CCBE1: variants seen among roughly 807,000 people sequenced by gnomAD.
CCBE1 encodes collagen and calcium binding EGF domains 1.
CCBE1 carries 37 observed loss-of-function variants against 50.0 expected under a neutral mutation model. The observed-to-expected ratio is 0.74, with a 90% CI of 0.57 to 0.97. The LOEUF is 0.97. Among genes scored for constraint, CCBE1 ranks in the 50% least tolerant of loss-of-function variants. The pLI is 0.00. For missense variants in CCBE1, 538 were observed against 523.8 expected, an observed-to-expected ratio of 1.03 and a Z score of -0.26; for synonymous variants, 234 against 203.7, an observed-to-expected ratio of 1.15 and a Z score of -1.27.
intron 2 of CCBE1, among the ~76,000 whole-genome samples, chr18:59,648,493 G>A (rs976124077): frequency 3.3e-5 from 5 of 152,126 alleles, no homozygotes; most frequent in African/African-American, 7.2e-5. Context: ...TCACTTGAGC[G>A]CAGGAGTTCG....
chr18:59,657,673 C>A (rs1429153820), intron 2 of CCBE1, among the ~76,000 whole-genome samples: 1 of 152,218 alleles, frequency 6.6e-6, no homozygotes, highest in Non-Finnish European at 1.5e-5. Context: ...GACAGATCAC[C>A]TGAGGCCAGG....
At chr18:59,466,250 T>G (rs8099578) in intron 5 of CCBE1, among the ~76,000 whole-genome samples, 1 of 151,978 alleles carries the variant, frequency 6.6e-6, no homozygotes, top group African/African-American at 2.4e-5. Flanking sequence ...AATTGAATCA[T>G]GGGGGCAGGT....
At position 59,431,699 on chromosome 18, in the gene CCBE1, C is replaced by T. The variant is rs1909952351; in HGVS notation, c.*4209G>A. 6.6e-6 allele frequency: 1 copy of T among 152,272 alleles called. No homozygotes were observed. Among genetic ancestry groups the T allele is most frequent in the Admixed American group, 6.5e-5 (1 of 15,288 alleles). The allele number at this position is 152,272 out of a possible 1,614,324, so 9.4% of individuals were successfully genotyped here. On this transcript the variant is annotated 3_prime_UTR_variant, in exon 11 of 11. Transcript: ENST00000439986. ...CTGGTATTTGGTGGGGTAATACTCA[C>T]CTTTCCTTCCTTCCAAAACCAATGA... is the stretch of plus-strand genomic sequence containing the variant.
intron 2 of CCBE1, among the ~76,000 whole-genome samples, chr18:59,641,380 G>A (rs1015475374): frequency 1.3e-5 from 2 of 152,160 alleles, no homozygotes; most frequent in Admixed American, 6.5e-5. Flanking sequence ...CTCTAAGAGG[G>A]AGCTAAACAT....
At chr18:59,487,040 G>T (rs931308995) in intron 2 of CCBE1, among the ~76,000 whole-genome samples, 3 of 150,928 alleles carry the variant, frequency 2.0e-5, no homozygotes, top group African/African-American at 7.3e-5. Flanking sequence ...GCACACAGAA[G>T]TCCCAAATGT....
chr18:59,542,688 C>G (rs1915516410), intron 2 of CCBE1, among the ~76,000 whole-genome samples: 1 of 152,152 alleles, frequency 6.6e-6, no homozygotes, highest in South Asian at 2.1e-4. Flanking sequence ...TGTGCCTGGC[C>G]AAGAGTCCAA....
chr18:59,515,050 A>T (rs1445637227), intron 2 of CCBE1, among the ~76,000 whole-genome samples: 3 of 152,220 alleles, frequency 2.0e-5, no homozygotes, highest in Admixed American at 6.5e-5. Flanking sequence ...TCCAAAGATG[A>T]TATAAGGATA....
At chr18:59,482,671 T>C (rs920379808) in intron 2 of CCBE1, among the ~76,000 whole-genome samples, 1 of 152,182 alleles carries the variant, frequency 6.6e-6, no homozygotes, top group East Asian at 1.9e-4. Context: ...ATAAAGTCTC[T>C]ACATTTTATG....
At chr18:59,493,284 A>G (rs1046662001) in intron 2 of CCBE1, among the ~76,000 whole-genome samples, 2 of 152,226 alleles carry the variant, frequency 1.3e-5, no homozygotes, top group Non-Finnish European at 2.9e-5. Flanking sequence ...ATGAAATACA[A>G]TGGACATTAA....
chr18:59,643,548 C>T (rs1363532648), intron 2 of CCBE1, among the ~76,000 whole-genome samples: 2 of 152,172 alleles, frequency 1.3e-5, no homozygotes, highest in African/African-American at 2.4e-5. Flanking sequence ...CTTATAATCC[C>T]AGCACTTTGG....
chr18:59,610,861 C>T (rs886229722), intron 2 of CCBE1, among the ~76,000 whole-genome samples: 4 of 152,254 alleles, frequency 2.6e-5, no homozygotes, highest in Non-Finnish European at 5.9e-5. Context: ...ACCAGCGCCC[C>T]TGGGGATTCA....
intron 2 of CCBE1, among the ~76,000 whole-genome samples, chr18:59,656,233 G>A (rs2054187615): frequency 6.6e-6 from 1 of 152,226 alleles, no homozygotes; most frequent in African/African-American, 2.4e-5. Context: ...TAAATAGGAT[G>A]GGGTAAGATT....
At chr18:59,562,940 G>T (rs374505173) in intron 2 of CCBE1, among the ~76,000 whole-genome samples, 1 of 152,300 alleles carries the variant, frequency 6.6e-6, no homozygotes, top group South Asian at 2.1e-4. Flanking sequence ...TTGAGTGGTG[G>T]TGTTCAGGGA....
intron 6 of CCBE1, among the ~76,000 whole-genome samples, chr18:59,453,876 C>A (rs1242678152): frequency 6.6e-6 from 1 of 152,126 alleles, no homozygotes. Flanking sequence ...GACAGTTGTT[C>A]AAGAAGTCAG....
At position 59,606,158 on chromosome 18, in the gene CCBE1, A is replaced by T. The variant is rs17780683; in HGVS notation, c.212+90471T>A. ...TTAACTGTCCATTCATTGTTTCGGA[A>T]AAATGCTTCGGACAAAGGCAGAGAT... is the stretch of plus-strand genomic sequence containing the variant. On this transcript the variant is annotated intron_variant, in intron 2 of 10. Transcript: ENST00000439986. Among the ~76,000 whole-genome samples, 332 of 152,336 alleles carry T rather than the reference A, an allele frequency of 2.2e-3. 2 individuals are homozygous for T. The highest frequency in any genetic ancestry group is 0.019 in the Admixed American group (289 of 15,300).
intron 6 of CCBE1, 71 bp from the exon 7 acceptor site, chr18:59,448,174 G>A: frequency 6.2e-7 from 1 of 1,602,676 alleles, no homozygotes; most frequent in Admixed American, 1.7e-5. Flanking sequence ...GTCTTGGTGG[G>A]AGAAGCTGCA....
At chr18:59,573,737 C>T (rs187393278) in intron 2 of CCBE1, among the ~76,000 whole-genome samples, 59 of 152,182 alleles carry the variant, frequency 3.9e-4, no homozygotes, top group Middle Eastern at 3.4e-3. Flanking sequence ...GGAGTTATTG[C>T]TGTACTATCA....
In CCBE1 at chr18:59,652,297, C is replaced by G. The variant is rs151163092; in HGVS notation, c.212+44332G>C. On this transcript the variant is annotated intron_variant, in intron 2 of 10. Transcript: ENST00000439986. ...AGAATCAAGAAAAACTCAGCCAACT[C>G]ATGGGTTACACAAGTTGAGGATGCC... Among the ~76,000 whole-genome samples the G allele has an allele frequency of 7.3e-3, 1,113 of 152,304 alleles. 16 individuals are homozygous for G. Among genetic ancestry groups the G allele is most frequent in the African/African-American group, 0.026 (1,062 of 41,560 alleles).
chr18:59,502,471 A>G (rs992899649), intron 2 of CCBE1, among the ~76,000 whole-genome samples: 4 of 126,760 alleles, frequency 3.2e-5, no homozygotes, highest in African/African-American at 9.4e-5. Flanking sequence ...ACAGGTATCC[A>G]TTATCTCCTG....
Sources: allele counts gnomAD v4.1 joint callset (sites outside exome capture counted in the v4.1 genomes callset), GRCh38; gene constraint gnomAD v4.1.1; transcripts MANE v1.5; gene names NCBI Gene and HGNC (gene_info 2026-07-23, HGNC 2026-07-21).